Variants in FRMD8 observed in about 807,000 individuals in gnomAD.
The protein encoded by FRMD8 is FERM domain-containing protein 8.
Under a neutral mutation model 54.2 loss-of-function variants are expected in FRMD8, and 37 were observed. The ratio of observed to expected loss-of-function variants is 0.68; its 90% confidence interval spans 0.53 to 0.90. The LOEUF (loss-of-function observed/expected upper bound fraction) is 0.90. Ranked by LOEUF, FRMD8 falls within the 40% of genes least tolerant of loss-of-function variation. The pLI is 0.00. For missense variants in FRMD8, 585 were observed against 653.7 expected (o/e 0.89, Z 1.15); for synonymous variants, 246 against 286.9 (o/e 0.86, Z 1.44).
Position 65,400,099 on chromosome 11 carries a change from G to A in FRMD8, c.927+240G>A, listed in dbSNP as rs1475520595. Among the ~76,000 whole-genome samples, 1 of 152,212 alleles carries A rather than the reference G, an allele frequency of 6.6e-6. No individual in the cohort carries two copies. The highest frequency in any genetic ancestry group is 1.5e-5 in the Non-Finnish European group (1 of 68,012). On this transcript the variant is annotated intron_variant, in intron 8 of 10. Transcript: ENST00000317568. This position sits in a 1 kb window ranked among gnomAD's most constrained non-coding sequence, Gnocchi z 4.3. ...GCCGCAGCTGGGACTTCACTGCTGAGTGGAGGGAGGGCAGCAGGGCCCGCT... is the reference window on the plus strand; with the variant it reads ...GCCGCAGCTGGGACTTCACTGCTGAATGGAGGGAGGGCAGCAGGGCCCGCT...
At chr11:65,401,445 C>T (rs910575910) in intron 9 of FRMD8, among the ~76,000 whole-genome samples, 1 of 147,180 alleles carries the variant, frequency 6.8e-6, no homozygotes. Flanking sequence ...CTCCCTCCCA[C>T]AGGGCCCTTT....
chr11:65,399,006 T>G (rs928441354), intron 7 of FRMD8, among the ~76,000 whole-genome samples: 6 of 149,032 alleles, frequency 4.0e-5, no homozygotes, highest in Non-Finnish European at 7.5e-5. Context: ...TTTTTTTTTT[T>G]TTTTTTTTTG....
At chr11:65,394,884 A>G (rs1189372810) in intron 6 of FRMD8, among the ~76,000 whole-genome samples, 2 of 152,194 alleles carry the variant, frequency 1.3e-5, no homozygotes, top group Non-Finnish European at 2.9e-5. Context: ...GCGAGGATTG[A>G]GTCTGCCCTG....
chr11:65,384,625 GC>G (rs1855701651), upstream of FRMD8, among the ~76,000 whole-genome samples: 1 of 152,246 alleles, frequency 6.6e-6, no homozygotes, highest in Non-Finnish European at 1.5e-5. Flanking sequence ...CTGGCCCAGT[GC>G]CCCACACACA....
upstream of FRMD8, chr11:65,382,256 T>C: frequency 2.1e-6 from 1 of 470,996 alleles, no homozygotes; most frequent in Non-Finnish European, 3.9e-6. The surrounding 1 kb of genome is among the most constrained non-coding windows in gnomAD (Gnocchi z 4.4). Flanking sequence ...ACTGGGTTCC[T>C]GCCCCATGGT....
chr11:65,382,118 A>G (rs1218331326), upstream of FRMD8: 20 of 665,662 alleles, frequency 3.0e-5, no homozygotes, highest in Non-Finnish European at 4.9e-5. This position sits in a 1 kb window ranked among gnomAD's most constrained non-coding sequence, Gnocchi z 4.4. Flanking sequence ...GAGGAGAGCG[A>G]GCCAGTTCCG....
chr11:65,401,153 A>G (rs2137911712), intron 9 of FRMD8, among the ~76,000 whole-genome samples: 1 of 151,270 alleles, frequency 6.6e-6, no homozygotes, highest in African/African-American at 2.4e-5. Flanking sequence ...ACCAGCCTGC[A>G]CCCTCCCCTC....
the FRMD8 span, among the ~76,000 whole-genome samples, chr11:65,371,883 A>G: frequency 2.8e-4 from 42 of 148,290 alleles, no homozygotes; most frequent in Non-Finnish European, 4.8e-4. Flanking sequence ...CAAAGTGCTG[A>G]GATTACAGGC....
chr11:65,393,713 C>T (rs376399578), intron 4 of FRMD8, 39 bp downstream of exon 4: 40 of 1,513,534 alleles, frequency 2.6e-5, no homozygotes, highest in Middle Eastern at 3.4e-4. Flanking sequence ...CTCGGGACCA[C>T]CTGAGTCTGC....
chr11:65,380,739 G>A, the FRMD8 span: 42 of 514,118 alleles, frequency 8.2e-5, no homozygotes, highest in Non-Finnish European at 1.2e-4. Flanking sequence ...CTGGAGTTTG[G>A]GGGAGGTCGC....
At chr11:65,408,168 G>T (rs1255632722) in intron 10 of FRMD8, among the ~76,000 whole-genome samples, 1 of 149,978 alleles carries the variant, frequency 6.7e-6, no homozygotes, top group Non-Finnish European at 1.5e-5. Flanking sequence ...TCCACCTCCC[G>T]GGTTCAAGCG....
chr11:65,372,553 C>A, the FRMD8 span, among the ~76,000 whole-genome samples: 2 of 152,114 alleles, frequency 1.3e-5, no homozygotes, highest in Non-Finnish European at 2.9e-5. Context: ...AGAATGGGAG[C>A]CCATTTAACT....
At chr11:65,377,039 C>T in the FRMD8 span, 49 of 1,614,020 alleles carry the variant, frequency 3.0e-5, no homozygotes, top group Middle Eastern at 1.7e-4. Context: ...GTTTTGTAGC[C>T]GGACTTTGAT....
intron 10 of FRMD8, among the ~76,000 whole-genome samples, chr11:65,407,151 CTA>C (rs1332687191): frequency 6.6e-6 from 1 of 152,060 alleles, no homozygotes; most frequent in Non-Finnish European, 1.5e-5. Flanking sequence ...CTGGAACTCT[CTA>C]CACCTTTACA....
chr11:65,397,084 C>T (rs1855975194), intron 7 of FRMD8, 64 bp downstream of exon 7: 1 of 941,924 alleles, frequency 1.1e-6, no homozygotes, highest in Middle Eastern at 2.2e-4. Flanking sequence ...TTTGCTAGCA[C>T]AGCTGCCAGT....
intron 10 of FRMD8, among the ~76,000 whole-genome samples, chr11:65,407,294 C>T (rs1026232555): frequency 6.6e-6 from 1 of 151,622 alleles, no homozygotes; most frequent in Non-Finnish European, 1.5e-5. Context: ...CTCTGTCACC[C>T]AGGCTGGAGT....
chr11:65,400,855 C>A lies in FRMD8; in HGVS notation c.1059C>A (p.Ile353=). 1 of 1,608,266 alleles carries A rather than the reference C, an allele frequency of 6.2e-7. No individual in the cohort carries two copies. ...CACCTGTCAACAAGCTCCTCAAGAT[C>A]TACTCCAAGCAGGTAGCGCGGGTGG... ...EGTPVNKLLK[I]YSKQAELMSS... Residue 353 remains isoleucine, a synonymous_variant, in exon 9 of 11, where the codon ATC becomes ATA. Coordinates refer to ENST00000317568, the MANE Select transcript of FRMD8 (RefSeq NM_031904.5). The surrounding 1 kb of genome is among the most constrained non-coding windows in gnomAD (Gnocchi z 4.3).
chr11:65,390,503 T>C (rs1358359055), intron 3 of FRMD8, among the ~76,000 whole-genome samples: 8 of 152,054 alleles, frequency 5.3e-5, no homozygotes, highest in South Asian at 4.1e-4. Context: ...AGGCTGCTGG[T>C]TGGGGGAGAG....
chr11:65,373,672 A>G, the FRMD8 span, among the ~76,000 whole-genome samples: 1 of 152,244 alleles, frequency 6.6e-6, no homozygotes, highest in South Asian at 2.1e-4. Flanking sequence ...CTGCAGCCTC[A>G]ACCTCCCAGG....
Sources: allele counts gnomAD v4.1 joint callset (sites outside exome capture counted in the v4.1 genomes callset), GRCh38; gene constraint gnomAD v4.1.1; non-coding constraint Gnocchi (gnomAD v3.1); transcripts MANE v1.5; gene names NCBI Gene and HGNC (gene_info 2026-07-23, HGNC 2026-07-21).